Variants in TTC4 observed in about 807,000 individuals in gnomAD.
TTC4 encodes tetratricopeptide repeat domain 4.
A neutral mutation model predicts 51.9 loss-of-function variants in TTC4; 36 were observed. That is an observed-to-expected ratio of 0.69 (90% CI 0.53 to 0.92). The LOEUF (loss-of-function observed/expected upper bound fraction) is 0.92, where lower values mean the gene tolerates loss of function less well. Among genes scored for constraint, TTC4 ranks in the 40% least tolerant of loss-of-function variants. The pLI, the probability that TTC4 is intolerant of heterozygous loss-of-function variation, is 0.00. For missense variants in TTC4, 399 were observed against 454.6 expected (o/e 0.88, Z 1.11); for synonymous variants, 144 against 164.2 (o/e 0.88, Z 0.94).
chr1:54,731,733 C>T (rs763756631), intron 7 of TTC4, 33 bp downstream of exon 7: 1 of 1,595,556 alleles, frequency 6.3e-7, no homozygotes, highest in South Asian at 1.1e-5. Context: ...TCTGCTTTTG[C>T]TTGCATGCTG....
At chr1:54,730,721 A>G (rs1053152551) in intron 6 of TTC4, among the ~76,000 whole-genome samples, 3 of 151,968 alleles carry the variant, frequency 2.0e-5, no homozygotes, top group African/African-American at 7.3e-5. Flanking sequence ...TCTAGGAGAC[A>G]GTCAAGATTA....
chr1:54,725,752 C>G (rs943781584), intron 5 of TTC4, among the ~76,000 whole-genome samples: 1 of 151,996 alleles, frequency 6.6e-6, no homozygotes, highest in African/African-American at 2.4e-5. Context: ...GATGTCTTTC[C>G]AAATAGAGAA....
rs1205025125 is a variant in TTC4 at position 54,737,735 on chromosome 1, A to G, written c.1061+71A>G. The G allele has an allele frequency of 2.8e-6, 4 of 1,442,618 alleles. No individual in the cohort carries two copies. The African/African-American group carries it at 5.6e-5, about 20-fold the overall frequency. The allele number at this position is 1,442,618 out of a possible 1,614,324, so 89.4% of individuals were successfully genotyped here. ...GTATTAGTCCATTTTCACACTGCTGATAAAGACATACCTGAGACTGGTCAG... is the reference window on the plus strand; with the variant it reads ...GTATTAGTCCATTTTCACACTGCTGGTAAAGACATACCTGAGACTGGTCAG... On this transcript the variant is annotated intron_variant, in intron 9 of 9. Transcript: ENST00000371281.
At chr1:54,737,346 AGTT>A (rs1195708521) in intron 8 of TTC4, 1 of 454,522 alleles carries the variant, frequency 2.2e-6, no homozygotes, top group East Asian at 4.1e-5. Context: ...AATGTTGGCA[AGTT>A]GTTGTTCTTC....
intron 7 of TTC4, 87 bp downstream of exon 7, chr1:54,731,787 GA>G: frequency 2.3e-6 from 3 of 1,296,012 alleles, no homozygotes; most frequent in Non-Finnish European, 3.2e-6. Context: ...TTTTGGTTGA[GA>G]AGGGAAGATA....
intron 3 of TTC4, among the ~76,000 whole-genome samples, chr1:54,720,076 AT>A (rs1011082853): frequency 1.3e-5 from 2 of 151,934 alleles, no homozygotes; most frequent in African/African-American, 4.8e-5. Flanking sequence ...TTTTTAAAAA[AT>A]TTTTTGTAGA....
rs368498132 is a variant in TTC4, at chr1:54,737,908, CT to C, written c.1061+253del. Among the ~76,000 whole-genome samples, 131 of 151,298 alleles carry C rather than the reference CT, an allele frequency of 8.7e-4. 2 individuals carry two copies. The East Asian group carries it at 0.022, about 25-fold the overall frequency. ...GAGAGAGCTTGTGCAGGAAAACTCC[CT>C]TTTTTTTTGAGATGGAGTTTTGCTC... On this transcript the variant is annotated intron_variant, in intron 9 of 9. Transcript: ENST00000371281.
At chr1:54,731,753 T>G in intron 7 of TTC4, 53 bp downstream of exon 7, 2 of 1,565,286 alleles carry the variant, frequency 1.3e-6, no homozygotes, top group Non-Finnish European at 1.7e-6. Context: ...GTCTCTGTTT[T>G]TGTGGCAGGA....
At chr1:54,732,578 C>T (rs971198624) in intron 7 of TTC4, among the ~76,000 whole-genome samples, 1 of 151,402 alleles carries the variant, frequency 6.6e-6, no homozygotes, top group Non-Finnish European at 1.5e-5. Flanking sequence ...CCTGCCTCAG[C>T]CTCTCAAGTA....
chr1:54,741,412 T>C lies in TTC4; in HGVS notation c.1063T>C (p.Tyr355His), dbSNP rs754173567. 1.2e-6 allele frequency: 2 copies of C among 1,613,230 alleles called. No homozygotes were observed. Among genetic ancestry groups the C allele is most frequent in the Non-Finnish European group, 1.7e-6 (2 of 1,179,460 alleles). Residue 355 changes from tyrosine to histidine, a missense_variant and splice_region_variant, in exon 10 of 10, where the codon TAC becomes CAC. By Grantham distance (83) the Tyr-to-His change is moderately conservative (BLOSUM62 2). Coordinates refer to ENST00000371281, the MANE Select transcript of TTC4 (RefSeq NM_004623.5). The part of the protein sequence containing the change: ...TLLQVLQHQR[Y>H]FVKALTPAFL... ...TCTCTTTTGTTGTGTTCACGGCAGG[T>C]ACTTTGTAAAAGCCCTGACACCAGC...
chr1:54,741,385 CCT>C (rs1164804863), intron 9 of TTC4, 24 bp from the exon 10 acceptor site: 2 of 1,572,604 alleles, frequency 1.3e-6, no homozygotes, highest in Non-Finnish European at 1.8e-6. Flanking sequence ...AAATTAACAC[CCT>C]CTCTTTTGTT....
chr1:54,731,996 G>C (rs1645871514), intron 7 of TTC4, among the ~76,000 whole-genome samples: 1 of 152,016 alleles, frequency 6.6e-6, no homozygotes, highest in South Asian at 2.1e-4. Flanking sequence ...AGTCATTTTA[G>C]GTAATACATG....
At chr1:54,738,956 C>T (rs1040286408) in intron 9 of TTC4, among the ~76,000 whole-genome samples, 9 of 152,192 alleles carry the variant, frequency 5.9e-5, no homozygotes, top group Non-Finnish European at 1.0e-4. Context: ...CCACTGCACC[C>T]GGCCAGCCTT....
At chr1:54,720,410 G>A (rs1336628742) in intron 3 of TTC4, among the ~76,000 whole-genome samples, 1 of 149,432 alleles carries the variant, frequency 6.7e-6, no homozygotes, top group Admixed American at 6.7e-5. Flanking sequence ...TGCTAGTTTG[G>A]ATAACTGGTA....
chr1:54,733,431 TA>T lies in TTC4; in HGVS notation c.897-194del, dbSNP rs67820605. On this transcript the variant is annotated intron_variant, in intron 7 of 9. Coordinates refer to ENST00000371281, the MANE Select transcript of TTC4 (RefSeq NM_004623.5). ...GAGACCCTGTCTCAAAAAAAAAAAA[TA>T]AAATAAAATAAAATAAAATTATGTC... 8.1e-4 allele frequency among the ~76,000 whole-genome samples: 120 copies of T among 147,522 alleles called. 1 individual carries two copies. Among genetic ancestry groups the T allele is most frequent in the East Asian group, 5.5e-3 (28 of 5,124 alleles).
rs887819469 is a variant in TTC4 at position 54,721,217 on chromosome 1, G to GCCA, written c.449_451dup (p.His150dup). On this transcript the variant is annotated inframe_insertion, in exon 4 of 10. Transcript: ENST00000371281. Reference sequence around the variant, plus strand: ...ACAGCTGCCAGAAAGCTAAAACCCTGCCACCTCAAAGCAATAATAAGAGGT... The same window carrying GCCA: ...ACAGCTGCCAGAAAGCTAAAACCCTGCCACCACCTCAAAGCAATAATAAGAGGT... The GCCA allele has an allele frequency of 6.2e-7, 1 of 1,613,146 alleles. No individual in the cohort carries two copies. The highest frequency in any genetic ancestry group is 1.3e-5 in the African/African-American group (1 of 74,876).
At chr1:54,718,340 C>T (rs920071652) in intron 3 of TTC4, among the ~76,000 whole-genome samples, 1 of 152,144 alleles carries the variant, frequency 6.6e-6, no homozygotes, top group African/African-American at 2.4e-5. Flanking sequence ...GCCTGGGTGA[C>T]AAAGTGAGAC....
intron 8 of TTC4, among the ~76,000 whole-genome samples, chr1:54,734,616 C>T (rs921616481): frequency 1.3e-5 from 2 of 152,136 alleles, no homozygotes; most frequent in Non-Finnish European, 2.9e-5. Flanking sequence ...TCTTGAACTC[C>T]TGGCCTCAAG....
intron 1 of TTC4, 24 bp downstream of exon 1, chr1:54,716,043 A>C (rs2101284184): frequency 6.4e-7 from 1 of 1,552,294 alleles, no homozygotes; most frequent in Non-Finnish European, 8.7e-7. Context: ...GGGTCTCCCC[A>C]CGTGTGTAGG....
Sources: gnomAD v4.1 joint callset for allele counts (sites outside exome capture counted in the v4.1 genomes callset) on GRCh38, gnomAD v4.1.1 for gene constraint, MANE v1.5 for transcripts, NCBI Gene and HGNC (gene_info 2026-07-23, HGNC 2026-07-21) for gene names.